Variants in CLDN18 observed in about 807,000 individuals in gnomAD.
The protein encoded by CLDN18 is claudin-18.
CLDN18 carries 20 observed loss-of-function variants against 25.0 expected under a neutral mutation model. That is an observed-to-expected ratio of 0.80 (90% confidence interval 0.56 to 1.16). CLDN18 has a LOEUF of 1.16. CLDN18 is among the 50% of genes most tolerant of loss of function. The probability of loss-of-function intolerance (pLI) is 0.00; values close to 1 mark genes in which losing one functional copy is unlikely to be tolerated. For synonymous variants in CLDN18, 125 were observed against 135.6 expected, an observed-to-expected ratio of 0.92 and a Z score of 0.54; for missense variants, 297 against 345.4, an observed-to-expected ratio of 0.86 and a Z score of 1.11.
intron 1 of CLDN18, among the ~76,000 whole-genome samples, chr3:137,999,519 C>G (rs1258773835): frequency 1.3e-5 from 2 of 152,154 alleles, no homozygotes; most frequent in Non-Finnish European, 2.9e-5. Flanking sequence ...CTGAACTCAG[C>G]TTCCAGGGAC....
chr3:138,026,531 G>A (rs1942329480), intron 3 of CLDN18, among the ~76,000 whole-genome samples: 1 of 152,148 alleles, frequency 6.6e-6, no homozygotes. Context: ...TGTAGTCCCA[G>A]CTACTTGGGA....
chr3:138,019,188 G>A (rs532000825), intron 1 of CLDN18, among the ~76,000 whole-genome samples: 1 of 152,290 alleles, frequency 6.6e-6, no homozygotes, highest in Admixed American at 6.5e-5. Flanking sequence ...CAGAATTGAG[G>A]ACTTGTTTTC....
rs1369427964 is a variant in CLDN18, at chr3:138,024,797, C to A, written c.503+73C>A. 4 of 851,986 alleles carry A rather than the reference C, an allele frequency of 4.7e-6. No individual in the cohort carries two copies. The East Asian group carries it at 7.5e-5, about 16-fold the overall frequency. The allele number at this position is 851,986 out of a possible 1,614,324, so 52.8% of individuals were successfully genotyped here. On this transcript the variant is annotated intron_variant, in intron 3 of 4. Transcript: ENST00000183605. ...ATAAGAATCTGATTAAACACATGCA[C>A]CTAATGTGACTGTCAGTGCCTGAAA...
chr3:138,020,928 G>A (rs1240775724), intron 1 of CLDN18, among the ~76,000 whole-genome samples: 1 of 152,182 alleles, frequency 6.6e-6, no homozygotes, highest in Non-Finnish European at 1.5e-5. Flanking sequence ...TGCTGTGATG[G>A]AAAAGTAATG....
intron 1 of CLDN18, among the ~76,000 whole-genome samples, chr3:138,002,870 G>A (rs1337657305): frequency 2.0e-5 from 3 of 152,108 alleles, no homozygotes; most frequent in African/African-American, 7.2e-5. Context: ...AAAAAGCAAA[G>A]GTCTTTGGTC....
At chr3:138,010,635 G>T (rs999619407) in intron 1 of CLDN18, among the ~76,000 whole-genome samples, 190 bp downstream of exon 1, 1 of 152,208 alleles carries the variant, frequency 6.6e-6, no homozygotes, top group Non-Finnish European at 1.5e-5. Flanking sequence ...AAAATGGGAG[G>T]GTTAATACTC....
chr3:138,007,092 G>A (rs918760201), upstream of CLDN18, among the ~76,000 whole-genome samples: 5 of 151,844 alleles, frequency 3.3e-5, no homozygotes, highest in East Asian at 1.9e-4. Context: ...ATGTATTGTC[G>A]GGGGAAGGTT....
At chr3:137,999,058 C>T (rs778107716) in exon 1 of CLDN18, 7 of 1,614,158 alleles carry the variant, frequency 4.3e-6, no homozygotes, top group South Asian at 3.3e-5. Flanking sequence ...CACCGAGTGC[C>T]GGGGCTACTT....
At chr3:138,012,560 C>T (rs1942146833) in intron 1 of CLDN18, among the ~76,000 whole-genome samples, 1 of 152,118 alleles carries the variant, frequency 6.6e-6, no homozygotes, top group Non-Finnish European at 1.5e-5. Flanking sequence ...CCCCCCTCCA[C>T]CACCCCAACT....
chr3:138,001,379 C>CTTTTT (rs149993251), intron 1 of CLDN18, among the ~76,000 whole-genome samples: 25 of 141,176 alleles, frequency 1.8e-4, no homozygotes, highest in African/African-American at 6.1e-4. Flanking sequence ...TCCCCCCATT[C>CTTTTT]TTTTTTTTTT....
At chr3:137,999,203 T>C in intron 1 of CLDN18, 3 of 925,396 alleles carry the variant, frequency 3.2e-6, no homozygotes, top group Non-Finnish European at 5.1e-6. Flanking sequence ...CTGCGATTCG[T>C]GTTTGACAGG....
intron 3 of CLDN18, among the ~76,000 whole-genome samples, chr3:138,029,265 C>G (rs1294503513): frequency 3.9e-5 from 6 of 152,068 alleles, no homozygotes; most frequent in Non-Finnish European, 7.4e-5. Flanking sequence ...CGTGCCTTAG[C>G]CTCCTGAGTA....
intron 1 of CLDN18, among the ~76,000 whole-genome samples, chr3:138,016,261 G>T (rs2107881775): frequency 6.6e-6 from 1 of 152,338 alleles, no homozygotes; most frequent in African/African-American, 2.4e-5. Flanking sequence ...AAGCTTCTAA[G>T]TCTGCATCCT....
intron 4 of CLDN18, 65 bp downstream of exon 4, chr3:138,029,972 C>A: frequency 5.9e-6 from 6 of 1,022,162 alleles, no homozygotes; most frequent in Admixed American, 2.2e-5. Context: ...TAATGTATAA[C>A]TTGCAGCCAA....
intron 3 of CLDN18, among the ~76,000 whole-genome samples, chr3:138,028,532 T>C (rs13070444): frequency 0.36 from 54,964 of 152,124 alleles, 11,485 homozygotes; most frequent in Middle Eastern, 0.57. Context: ...CCCCATGCTC[T>C]TTGAGGAACA....
upstream of CLDN18, among the ~76,000 whole-genome samples, chr3:138,007,583 C>T (rs553933713): frequency 5.1e-4 from 77 of 152,064 alleles, no homozygotes; most frequent in African/African-American, 1.4e-3. Context: ...GATGATGGGT[C>T]AATAGGTGCA....
chr3:138,004,008 C>T (rs1942043060), intron 1 of CLDN18, among the ~76,000 whole-genome samples: 1 of 152,060 alleles, frequency 6.6e-6, no homozygotes, highest in South Asian at 2.1e-4. Flanking sequence ...CCTGTCTCTA[C>T]TAAAAATACA....
At chr3:138,012,442 T>C (rs1051352964) in intron 1 of CLDN18, among the ~76,000 whole-genome samples, 1 of 152,088 alleles carries the variant, frequency 6.6e-6, no homozygotes, top group African/African-American at 2.4e-5. Flanking sequence ...TCCTAACCCC[T>C]CACCTACCTT....
rs1180171203 is a variant in CLDN18, at chr3:138,032,954, A to G, written c.*1813A>G. Reference sequence around the variant, plus strand: ...ACCAAAGCCAGATAGGCCCCCTAGGAAACTGAGGTAAGAGCAGTCTCTAAA... The same window carrying G: ...ACCAAAGCCAGATAGGCCCCCTAGGGAACTGAGGTAAGAGCAGTCTCTAAA... On this transcript the variant is annotated 3_prime_UTR_variant, in exon 5 of 5. Transcript: ENST00000183605. 6.6e-6 allele frequency: 1 copy of G among 152,280 alleles called. No homozygotes were observed. The highest frequency in any genetic ancestry group is 1.5e-5 in the Non-Finnish European group (1 of 68,082). The allele number at this position is 152,280 out of a possible 1,614,324, so 9.4% of individuals were successfully genotyped here.
Sources: gnomAD v4.1 joint callset for allele counts (sites outside exome capture counted in the v4.1 genomes callset) on GRCh38, gnomAD v4.1.1 for gene constraint, MANE v1.5 for transcripts, NCBI Gene and HGNC (gene_info 2026-07-23, HGNC 2026-07-21) for gene names.